RNF220: variants seen among roughly 807,000 people sequenced by gnomAD.
RNF220 encodes E3 ubiquitin-protein ligase RNF220.
RNF220 carries 7 observed loss-of-function variants against 67.1 expected under a neutral mutation model. The observed-to-expected ratio is 0.10, with a 90% CI of 0.06 to 0.20. RNF220 has a LOEUF of 0.20. Ranked by LOEUF, RNF220 falls within the 10% of genes least tolerant of loss-of-function variation. The probability of loss-of-function intolerance (pLI) is 1.00; values close to 1 mark genes in which losing one functional copy is unlikely to be tolerated. For missense variants in RNF220, 565 were observed against 740.3 expected (o/e 0.76, Z 2.75); for synonymous variants, 270 against 283.2 (o/e 0.95, Z 0.47).
intron 8 of RNF220, among the ~76,000 whole-genome samples, chr1:44,639,805 C>CA (rs1644436166): frequency 6.6e-6 from 1 of 152,128 alleles, no homozygotes; most frequent in Non-Finnish European, 1.5e-5. Context: ...ATTTTTGAGA[C>CA]AGAGTCTCAC....
intron 2 of RNF220, among the ~76,000 whole-genome samples, chr1:44,594,997 G>T (rs1443122726): frequency 6.6e-6 from 1 of 152,182 alleles, no homozygotes; most frequent in Non-Finnish European, 1.5e-5. Context: ...CAGAGCCAGT[G>T]CCTCCCCACT....
chr1:44,551,761 T>C (rs2992508), intron 2 of RNF220, among the ~76,000 whole-genome samples: 130,421 of 152,148 alleles, frequency 0.86, 57,461 homozygotes, highest in Non-Finnish European at 0.97. Flanking sequence ...TAATAATCAC[T>C]AGGTTATACA....
chr1:44,602,159 A>G (rs557475125), intron 2 of RNF220, among the ~76,000 whole-genome samples: 1 of 152,146 alleles, frequency 6.6e-6, no homozygotes. Flanking sequence ...ACAGGAAAAA[A>G]AATAATAGGA....
Position 44,405,391 on chromosome 1 carries a change from T to TGCTGCTGCTGCC in RNF220, c.-252_-251insTGCTGCCGCTGC, listed in dbSNP as rs1553208947. On this transcript the variant is annotated 5_prime_UTR_variant, in exon 1 of 15. Transcript: ENST00000361799. ...GCCAGCCGCCTACTGCTGCTGCTGCTGCTGCCGCTGCCGCCGCCGCCGCCG... is the reference window on the plus strand; with the variant it reads ...GCCAGCCGCCTACTGCTGCTGCTGCTGCTGCTGCTGCCGCTGCCGCTGCCGCCGCCGCCGCCG... 2.7e-5 allele frequency: 17 copies of TGCTGCTGCTGCC among 630,128 alleles called. No homozygotes were observed. The highest frequency in any genetic ancestry group is 3.2e-4 in the Middle Eastern group (1 of 3,098). 39.0% of individuals were successfully genotyped at this position (630,128 alleles called of 1,614,324 possible). A position where few individuals can be genotyped will look rare whatever the true frequency, so the allele number is the denominator to read the frequency against.
At chr1:44,547,474 C>T (rs1008920462) in intron 2 of RNF220, among the ~76,000 whole-genome samples, 6 of 152,136 alleles carry the variant, frequency 3.9e-5, no homozygotes, top group African/African-American at 1.2e-4. Context: ...TTTTCTCTCT[C>T]GGCATCTCTC....
intron 2 of RNF220, among the ~76,000 whole-genome samples, chr1:44,491,348 A>G (rs1198738534): frequency 6.6e-6 from 1 of 152,184 alleles, no homozygotes; most frequent in Non-Finnish European, 1.5e-5. Context: ...AATCTGCAAC[A>G]AAATTCTAGT....
At chr1:44,507,698 G>A (rs547098776) in intron 2 of RNF220, among the ~76,000 whole-genome samples, 10 of 152,266 alleles carry the variant, frequency 6.6e-5, no homozygotes, top group Non-Finnish European at 1.2e-4. Context: ...ATGAAGCCCC[G>A]CCAGCACAGC....
intron 2 of RNF220, among the ~76,000 whole-genome samples, chr1:44,479,009 G>A (rs1013413979): frequency 6.6e-6 from 1 of 151,988 alleles, no homozygotes; most frequent in Non-Finnish European, 1.5e-5. Flanking sequence ...CTGCCTACTT[G>A]TAGAAATTTG....
chr1:44,575,009 C>T (rs1664706820), intron 2 of RNF220, among the ~76,000 whole-genome samples: 2 of 152,184 alleles, frequency 1.3e-5, no homozygotes, highest in African/African-American at 4.8e-5. Context: ...TTTCTACGTA[C>T]TGGAAACATT....
rs530250425 is a variant in RNF220, at chr1:44,548,646, C to T, written c.626-65519C>T. On this transcript the variant is annotated intron_variant, in intron 2 of 14. Coordinates refer to ENST00000361799, the MANE Select transcript of RNF220 (RefSeq NM_018150.4). ...GTAGCTAGGACTACAGGTACCACAT[C>T]TGGCTTAATTTTTAAAAATTATTTT... Among the ~76,000 whole-genome samples the T allele has an allele frequency of 6.6e-5, 10 of 152,194 alleles. No individual in the cohort carries two copies. The South Asian group carries it at 2.1e-3, about 32-fold the overall frequency.
At chr1:44,590,992 G>A (rs1336639702) in intron 2 of RNF220, among the ~76,000 whole-genome samples, 4 of 152,030 alleles carry the variant, frequency 2.6e-5, no homozygotes, top group Non-Finnish European at 5.9e-5. Flanking sequence ...ATGGAGTTTC[G>A]CTCTTATCAC....
chr1:44,486,131 A>C (rs1656277160), intron 2 of RNF220, among the ~76,000 whole-genome samples: 1 of 152,162 alleles, frequency 6.6e-6, no homozygotes, highest in Non-Finnish European at 1.5e-5. Flanking sequence ...ACAGTCTCCC[A>C]GACCGTCTTC....
rs573098385 is a variant in RNF220, at chr1:44,450,889, A to G, written c.625+38167A>G. Among the ~76,000 whole-genome samples, 809 of 152,312 alleles carry G rather than the reference A, an allele frequency of 5.3e-3. 11 individuals are homozygous for G. Among genetic ancestry groups the G allele is most frequent in the Non-Finnish European group, 4.8e-3 (329 of 68,032 alleles). On this transcript the variant is annotated intron_variant, in intron 2 of 14. Transcript: ENST00000361799. ...GAGGCTGTGCTAACTTACCCTTAAA[A>G]AAGACTGTACTTGGCCCCACGTGGT...
At chr1:44,553,951 A>G (rs536657710) in intron 2 of RNF220, among the ~76,000 whole-genome samples, 1 of 152,234 alleles carries the variant, frequency 6.6e-6, no homozygotes, top group Non-Finnish European at 1.5e-5. Context: ...CAGGAAAGGA[A>G]TGCTAACCCT....
At chr1:44,443,097 T>A (rs916853859) in intron 2 of RNF220, among the ~76,000 whole-genome samples, 1 of 152,222 alleles carries the variant, frequency 6.6e-6, no homozygotes, top group Non-Finnish European at 1.5e-5. Flanking sequence ...AACAAATATC[T>A]CTGCTGCTGA....
intron 2 of RNF220, among the ~76,000 whole-genome samples, chr1:44,541,726 G>C (rs937790905): frequency 1.3e-5 from 2 of 152,346 alleles, no homozygotes; most frequent in Non-Finnish European, 2.9e-5. Flanking sequence ...GGGCGCTGCA[G>C]AGCAGTTCTA....
At chr1:44,575,508 T>C (rs6682263) in intron 2 of RNF220, among the ~76,000 whole-genome samples, 2 of 152,098 alleles carry the variant, frequency 1.3e-5, no homozygotes, top group Admixed American at 1.3e-4. Flanking sequence ...CAGACATTTC[T>C]CAAAATAAGA....
chr1:44,545,837 A>G (rs1376387943), intron 2 of RNF220, among the ~76,000 whole-genome samples: 1 of 151,112 alleles, frequency 6.6e-6, no homozygotes, highest in African/African-American at 2.4e-5. Context: ...GCTCACTGCA[A>G]CCTCCACCTC....
At chr1:44,614,102 T>G (rs1643438148) in intron 2 of RNF220, 63 bp from the exon 3 acceptor site, 2 of 1,600,920 alleles carry the variant, frequency 1.2e-6, no homozygotes, top group Non-Finnish European at 8.5e-7. Flanking sequence ...AGGACTGGGA[T>G]GCTGGGTCTG....
Sources: gnomAD v4.1 joint callset for allele counts (sites outside exome capture counted in the v4.1 genomes callset) on GRCh38, gnomAD v4.1.1 for gene constraint, MANE v1.5 for transcripts, NCBI Gene and HGNC (gene_info 2026-07-23, HGNC 2026-07-21) for gene names.